GLDC: variants seen among roughly 807,000 people sequenced by gnomAD.
GLDC encodes glycine decarboxylase.
A neutral mutation model predicts 121.3 loss-of-function variants in GLDC; 104 were observed. The ratio of observed to expected loss-of-function variants is 0.86; its 90% CI spans 0.73 to 1.01. GLDC has a LOEUF of 1.01. Among genes scored for constraint, GLDC ranks in the 50% least tolerant of loss-of-function variants. GLDC has a pLI of 0.00. For missense variants in GLDC, 1,429 were observed against 1,306.6 expected, an observed-to-expected ratio of 1.09 and a Z score of -1.44; for synonymous variants, 546 against 480.6, an observed-to-expected ratio of 1.14 and a Z score of -1.78.
intron 16 of GLDC, among the ~76,000 whole-genome samples, chr9:6,559,231 C>G (rs1817696051): frequency 6.6e-6 from 1 of 152,072 alleles, no homozygotes; most frequent in African/African-American, 2.4e-5. Context: ...AATGATCAAC[C>G]CGGCCAGGTG....
intron 4 of GLDC, among the ~76,000 whole-genome samples, chr9:6,609,816 C>A (rs541453715): frequency 6.6e-6 from 1 of 152,222 alleles, no homozygotes; most frequent in South Asian, 2.1e-4. Flanking sequence ...CCCTCGCAGC[C>A]CCCAGGCCTG....
intron 3 of GLDC, 97 bp from the exon 4 acceptor site, chr9:6,610,453 G>C: frequency 8.0e-7 from 1 of 1,254,052 alleles, no homozygotes. Flanking sequence ...AAAATAATTT[G>C]CCTATCTTGA....
chr9:6,644,938 C>G, intron 1 of GLDC: 2 of 613,736 alleles, frequency 3.3e-6, no homozygotes, highest in East Asian at 2.7e-5. Flanking sequence ...TAAGCCCACT[C>G]TTAATCAGGG....
At chr9:6,572,561 T>C (rs1432414738) in intron 15 of GLDC, among the ~76,000 whole-genome samples, 1 of 152,156 alleles carries the variant, frequency 6.6e-6, no homozygotes, top group East Asian at 1.9e-4. Flanking sequence ...TAAACACTAA[T>C]AAGACATGGA....
At chr9:6,585,376 G>A (rs1477070979) in intron 15 of GLDC, among the ~76,000 whole-genome samples, 5 of 152,100 alleles carry the variant, frequency 3.3e-5, no homozygotes, top group South Asian at 2.1e-4. Context: ...TAGACTCAAG[G>A]TTCAGAATTC....
chr9:6,599,730 AAAAAC>A (rs1446414627), intron 8 of GLDC, among the ~76,000 whole-genome samples: 81 of 151,636 alleles, frequency 5.3e-4, no homozygotes, highest in African/African-American at 1.9e-3. Context: ...CAAAAAAAAA[AAAAAC>A]AACCAAAAAA....
chr9:6,534,843 C>A (rs1212553839), intron 23 of GLDC, 55 bp from the exon 24 acceptor site: 6 of 940,884 alleles, frequency 6.4e-6, no homozygotes, highest in Non-Finnish European at 1.0e-5. Context: ...CTCTTCTCCT[C>A]CTACCCTGCA....
chr9:6,556,095 T>C lies in GLDC; in HGVS notation c.2202+58A>G, dbSNP rs1817623795. The stretch of plus-strand genomic sequence containing the variant: ...CTCTCAAGAAGTCAGAATTTTTTTT[T>C]TTTTCCACATATCCATTTTCTCAGT... On this transcript the variant is annotated intron_variant, in intron 18 of 24. Coordinates refer to ENST00000321612, the MANE Select transcript of GLDC (RefSeq NM_000170.3). The C allele has an allele frequency of 2.0e-6, 3 of 1,489,288 alleles. No homozygotes were observed. In the Admixed American group the frequency reaches 5.2e-5, roughly 26 times the overall value. The allele number at this position is 1,489,288 out of a possible 1,614,324, so 92.3% of individuals were successfully genotyped here.
intron 14 of GLDC, 98 bp from the exon 15 acceptor site, chr9:6,587,381 C>G: frequency 1.1e-6 from 1 of 925,912 alleles, no homozygotes; most frequent in Middle Eastern, 2.2e-4. Flanking sequence ...AAGCTATGTG[C>G]CAGGCACTGT....
intron 1 of GLDC, 44 bp downstream of exon 1, chr9:6,645,201 C>T: frequency 6.5e-7 from 1 of 1,529,694 alleles, no homozygotes. Flanking sequence ...AGAGCCCGGG[C>T]AGGGCGGAGG....
chr9:6,558,852 C>G (rs1317022738), intron 16 of GLDC, among the ~76,000 whole-genome samples, 168 bp from the exon 17 acceptor site: 2 of 152,178 alleles, frequency 1.3e-5, no homozygotes, highest in East Asian at 3.8e-4. Flanking sequence ...TTTGTCATTG[C>G]AAAGCAATGT....
rs554484418 is a variant in GLDC at position 6,558,073 on chromosome 9, C to G, written c.2052+486G>C. 5.7e-5 allele frequency: 13 copies of G among 226,898 alleles called. No individual in the cohort carries two copies. In the East Asian group the frequency reaches 9.2e-4, roughly 16 times the overall value. The allele number at this position is 226,898 out of a possible 1,614,324, so 14.1% of individuals were successfully genotyped here. On this transcript the variant is annotated intron_variant, in intron 17 of 24. Transcript: ENST00000321612. ...CCAGTCCGCTGGTGGGAAGCAGATA[C>G]GGTTGCTAAGCAACTTCTTCCTGGA...
intron 2 of GLDC, among the ~76,000 whole-genome samples, chr9:6,623,265 G>A (rs886501219): frequency 1.2e-4 from 17 of 140,090 alleles, no homozygotes; most frequent in South Asian, 4.7e-4. Context: ...ATTTTGTTCT[G>A]TACTAAGAAA....
At chr9:6,546,043 T>A (rs538013965) in intron 21 of GLDC, among the ~76,000 whole-genome samples, 26 of 152,336 alleles carry the variant, frequency 1.7e-4, no homozygotes, top group Admixed American at 1.1e-3. Context: ...TACAAAAATA[T>A]TTTCTTTTTC....
chr9:6,627,761 A>G (rs1398270877), intron 2 of GLDC, among the ~76,000 whole-genome samples: 3 of 152,212 alleles, frequency 2.0e-5, no homozygotes, highest in African/African-American at 7.2e-5. Context: ...GCTGCTTCTT[A>G]CTGTGATAAA....
At position 6,532,825 on chromosome 9, in the gene GLDC, A is replaced by G; in HGVS notation, c.*192T>C. ...ATGTGGAAGCAGAATACCAAAGCAAATCCGTCTTCCAACCATCAGCTTCGA... is the reference window on the plus strand; with the variant it reads ...ATGTGGAAGCAGAATACCAAAGCAAGTCCGTCTTCCAACCATCAGCTTCGA... On this transcript the variant is annotated 3_prime_UTR_variant, in exon 25 of 25. Coordinates refer to ENST00000321612, the MANE Select transcript of GLDC (RefSeq NM_000170.3). 1 of 608,168 alleles carries G rather than the reference A, an allele frequency of 1.6e-6. No homozygotes were observed. Among genetic ancestry groups the G allele is most frequent in the South Asian group, 1.9e-5 (1 of 52,208 alleles). 37.7% of individuals were successfully genotyped at this position (608,168 alleles called of 1,614,324 possible). A position where few individuals can be genotyped will look rare whatever the true frequency, so the allele number is the denominator to read the frequency against.
chr9:6,629,076 C>G (rs1422518742), intron 2 of GLDC, among the ~76,000 whole-genome samples: 1 of 151,762 alleles, frequency 6.6e-6, no homozygotes, highest in East Asian at 1.9e-4. Flanking sequence ...AGAATGAATG[C>G]TTCCTCTTTA....
At chr9:6,544,861 AGGC>A (rs1376530611) in intron 21 of GLDC, among the ~76,000 whole-genome samples, 1 of 152,112 alleles carries the variant, frequency 6.6e-6, no homozygotes. Flanking sequence ...GCACTTTGGG[AGGC>A]CAAGGTGGGT....
chr9:6,639,642 T>A (rs1298181568), intron 2 of GLDC: 3 of 454,242 alleles, frequency 6.6e-6, no homozygotes, highest in Non-Finnish European at 1.1e-5. Flanking sequence ...TCTAAATATA[T>A]ATATATCTTT....
Sources: allele counts gnomAD v4.1 joint callset (sites outside exome capture counted in the v4.1 genomes callset), GRCh38; gene constraint gnomAD v4.1.1; transcripts MANE v1.5; gene names NCBI Gene and HGNC (gene_info 2026-07-23, HGNC 2026-07-21).